Variants in SLC35F4 observed in about 807,000 individuals in gnomAD.
SLC35F4 encodes the protein solute carrier family 35 member F4.
SLC35F4 carries 24 observed loss-of-function variants against 44.2 expected under a neutral mutation model. The ratio of observed to expected loss-of-function variants is 0.54; its 90% CI spans 0.39 to 0.76. The LOEUF (loss-of-function observed/expected upper bound fraction) is 0.76. SLC35F4 is among the 30% of genes least tolerant of loss of function. The probability of loss-of-function intolerance (pLI) is 0.00; values close to 1 mark genes in which losing one functional copy is unlikely to be tolerated. For synonymous variants in SLC35F4, 238 were observed against 223.6 expected (o/e 1.06, Z -0.57); for missense variants, 562 against 586.1 (o/e 0.96, Z 0.42).
At chr14:57,953,219 G>C (rs931090707) in intron 1 of SLC35F4, among the ~76,000 whole-genome samples, 3 of 152,158 alleles carry the variant, frequency 2.0e-5, no homozygotes, top group African/African-American at 7.2e-5. Context: ...ATCCTTTACA[G>C]ACAAGCAAAT....
At chr14:57,846,319 C>T (rs1886016809) in intron 1 of SLC35F4, among the ~76,000 whole-genome samples, 1 of 152,178 alleles carries the variant, frequency 6.6e-6, no homozygotes, top group African/African-American at 2.4e-5. Flanking sequence ...GAGTCATAAA[C>T]CCAGTGGGAT....
chr14:57,887,342 C>T (rs913510200), intron 1 of SLC35F4, among the ~76,000 whole-genome samples: 2 of 152,170 alleles, frequency 1.3e-5, no homozygotes, highest in Admixed American at 1.3e-4. Flanking sequence ...CTCCCTGGCT[C>T]AGAATGCTCT....
intron 1 of SLC35F4, among the ~76,000 whole-genome samples, chr14:57,899,065 C>G (rs1284388958): frequency 6.6e-6 from 1 of 152,182 alleles, no homozygotes; most frequent in Non-Finnish European, 1.5e-5. Context: ...CAGCACATGA[C>G]AGGAGGAGAA....
chr14:57,900,330 G>C (rs1406791138), intron 1 of SLC35F4, among the ~76,000 whole-genome samples: 3 of 152,168 alleles, frequency 2.0e-5, no homozygotes, highest in Non-Finnish European at 2.9e-5. Flanking sequence ...TTCTGATTCT[G>C]TCACAGGCCC....
At chr14:57,803,682 T>C (rs1356301842) in intron 1 of SLC35F4, among the ~76,000 whole-genome samples, 1 of 147,310 alleles carries the variant, frequency 6.8e-6, no homozygotes, top group Non-Finnish European at 1.5e-5. Context: ...CTCTGCCTCC[T>C]GGGTTCAAGC....
intron 1 of SLC35F4, among the ~76,000 whole-genome samples, chr14:57,883,702 G>A (rs76656848): frequency 0.087 from 13,229 of 152,096 alleles, 647 homozygotes; most frequent in Middle Eastern, 0.15. Flanking sequence ...CTTGGGTGGG[G>A]CCTCATCATC....
At chr14:57,908,717 C>T (rs1024211660) in intron 1 of SLC35F4, among the ~76,000 whole-genome samples, 5 of 152,164 alleles carry the variant, frequency 3.3e-5, no homozygotes, top group Admixed American at 2.6e-4. Flanking sequence ...CAAAAATTTT[C>T]TCCCATTCTG....
intron 1 of SLC35F4, among the ~76,000 whole-genome samples, chr14:57,664,298 C>T (rs1362390165): frequency 6.6e-6 from 1 of 152,144 alleles, no homozygotes; most frequent in Non-Finnish European, 1.5e-5. Context: ...ATGGAAGACA[C>T]TCATTTAACA....
chr14:57,933,427 G>T (rs765447878), intron 1 of SLC35F4, among the ~76,000 whole-genome samples: 1 of 152,236 alleles, frequency 6.6e-6, no homozygotes, highest in Middle Eastern at 3.4e-3. Flanking sequence ...AAGCCCATAC[G>T]CTATGTGATG....
At chr14:57,899,923 A>C (rs991749366) in intron 1 of SLC35F4, among the ~76,000 whole-genome samples, 3 of 152,184 alleles carry the variant, frequency 2.0e-5, no homozygotes, top group Non-Finnish European at 2.9e-5. Flanking sequence ...AAGCTTCCAC[A>C]GAGTGGAAGG....
At chr14:57,624,409 C>G (rs143771422) in intron 1 of SLC35F4, among the ~76,000 whole-genome samples, 2 of 152,210 alleles carry the variant, frequency 1.3e-5, no homozygotes, top group African/African-American at 2.4e-5. Context: ...GAAACTATTC[C>G]AAACAATAGA....
At chr14:57,702,243 C>T (rs1207792289) in intron 1 of SLC35F4, among the ~76,000 whole-genome samples, 1 of 151,700 alleles carries the variant, frequency 6.6e-6, no homozygotes, top group Non-Finnish European at 1.5e-5. Context: ...AACCTTTGTC[C>T]TCCTTTACCC....
intron 1 of SLC35F4, among the ~76,000 whole-genome samples, chr14:57,900,774 C>A (rs998830859): frequency 6.6e-6 from 1 of 152,086 alleles, no homozygotes; most frequent in African/African-American, 2.4e-5. Context: ...GCAGTCTATC[C>A]ATCTGACAAA....
At chr14:57,619,060 A>C (rs556383340) in intron 1 of SLC35F4, among the ~76,000 whole-genome samples, 2 of 151,398 alleles carry the variant, frequency 1.3e-5, no homozygotes, top group East Asian at 1.9e-4. Context: ...TATAGATAAA[A>C]CCCCCATCTC....
downstream of SLC35F4, among the ~76,000 whole-genome samples, chr14:57,971,758 G>A (rs1881060034): frequency 6.6e-6 from 1 of 152,232 alleles, no homozygotes; most frequent in Non-Finnish European, 1.5e-5. Flanking sequence ...ATGGGGAGAT[G>A]TTGGCCAGAG....
intron 1 of SLC35F4, among the ~76,000 whole-genome samples, chr14:57,957,108 C>T (rs965487189): frequency 4.6e-5 from 7 of 152,100 alleles, no homozygotes; most frequent in African/African-American, 1.7e-4. Context: ...TACTATGCCG[C>T]CATAAAAAGG....
intron 1 of SLC35F4, among the ~76,000 whole-genome samples, chr14:57,790,805 G>T (rs2077898802): frequency 6.6e-6 from 1 of 152,056 alleles, no homozygotes; most frequent in African/African-American, 2.4e-5. Context: ...CAATGGAACA[G>T]AACAGAGGCC....
intron 1 of SLC35F4, among the ~76,000 whole-genome samples, chr14:57,685,771 A>G (rs1360498073): frequency 6.6e-6 from 1 of 152,184 alleles, no homozygotes; most frequent in Admixed American, 6.6e-5. Flanking sequence ...CCTCAAATTG[A>G]CTGTCTTTTG....
intron 1 of SLC35F4, among the ~76,000 whole-genome samples, chr14:57,653,498 G>A (rs906521799): frequency 1.3e-5 from 2 of 152,120 alleles, no homozygotes; most frequent in Admixed American, 1.3e-4. Context: ...GGAGCCCAGG[G>A]GCCACTACCC....
Sources: gnomAD v4.1 joint callset for allele counts (sites outside exome capture counted in the v4.1 genomes callset) on GRCh38, gnomAD v4.1.1 for gene constraint, MANE v1.5 for transcripts, NCBI Gene and HGNC (gene_info 2026-07-23, HGNC 2026-07-21) for gene names.